Variants in UNC5D observed in about 807,000 individuals in gnomAD.
UNC5D encodes the protein netrin receptor UNC5D.
A neutral mutation model predicts 105.4 loss-of-function variants in UNC5D; 39 were observed. That is an observed-to-expected ratio of 0.37 (90% CI 0.29 to 0.48). The LOEUF is 0.48. Ranked by LOEUF, UNC5D falls within the 20% of genes least tolerant of loss-of-function variation. UNC5D has a pLI of 0.98. For missense variants in UNC5D, 991 were observed against 1,202.4 expected (o/e 0.82, Z 2.60); for synonymous variants, 452 against 450.4 (o/e 1.00, Z -0.04).
At chr8:35,639,721 T>C (rs529796152) in intron 4 of UNC5D, among the ~76,000 whole-genome samples, 143 of 152,254 alleles carry the variant, frequency 9.4e-4, no homozygotes, top group African/African-American at 3.2e-3. Context: ...TTATTTTCAT[T>C]AGAAGTCACA....
At chr8:35,323,745 T>C (rs939404622) in intron 1 of UNC5D, among the ~76,000 whole-genome samples, 14 of 152,176 alleles carry the variant, frequency 9.2e-5, no homozygotes, top group Admixed American at 2.0e-4. Context: ...AAGGTGCTAC[T>C]AAGTGGTGGA....
At position 35,726,148 on chromosome 8, in the gene UNC5D, C is replaced by T. The variant is rs1828850566; in HGVS notation, c.1304-4C>T. 6.3e-7 allele frequency: 1 copy of T among 1,599,436 alleles called. No homozygotes were observed. Among genetic ancestry groups the T allele is most frequent in the Non-Finnish European group, 8.5e-7 (1 of 1,170,744 alleles). Reference sequence around the variant, plus strand: ...TGAGTGACAGATCAATTTTCTTTTACCAGGTAACTCCCTGCTCCTGAATTC... The same window carrying T: ...TGAGTGACAGATCAATTTTCTTTTATCAGGTAACTCCCTGCTCCTGAATTC... On this transcript the variant is annotated splice_polypyrimidine_tract_variant and splice_region_variant and intron_variant, in intron 9 of 16. Transcript: ENST00000404895.
intron 2 of UNC5D, among the ~76,000 whole-genome samples, chr8:35,567,261 G>T (rs1563542435): frequency 6.6e-6 from 1 of 152,084 alleles, no homozygotes; most frequent in Non-Finnish European, 1.5e-5. Flanking sequence ...GTACTGCTAT[G>T]ATGTATCAAT....
At chr8:35,277,509 C>G (rs777600553) in intron 1 of UNC5D, among the ~76,000 whole-genome samples, 13 of 152,202 alleles carry the variant, frequency 8.5e-5, no homozygotes, top group Non-Finnish European at 1.6e-4. Context: ...TTTAGCTTTT[C>G]TTTTTTAATC....
intron 1 of UNC5D, among the ~76,000 whole-genome samples, chr8:35,393,444 C>A (rs1469941532): frequency 1.3e-5 from 2 of 150,986 alleles, no homozygotes; most frequent in Non-Finnish European, 3.0e-5. Flanking sequence ...TACTTTTTAT[C>A]CTCTGGAATT....
At chr8:35,760,811 T>C (rs952955404) in intron 14 of UNC5D, among the ~76,000 whole-genome samples, 1 of 151,990 alleles carries the variant, frequency 6.6e-6, no homozygotes, top group Non-Finnish European at 1.5e-5. Context: ...TATACCAGCT[T>C]GTCAGAATGG....
intron 1 of UNC5D, among the ~76,000 whole-genome samples, chr8:35,393,667 G>A (rs1195402114): frequency 6.6e-6 from 1 of 152,256 alleles, no homozygotes; most frequent in South Asian, 2.1e-4. Flanking sequence ...CATTTGAAAA[G>A]CACCAGTGAC....
intron 1 of UNC5D, among the ~76,000 whole-genome samples, chr8:35,329,415 A>G (rs1246100887): frequency 6.6e-6 from 1 of 151,188 alleles, no homozygotes; most frequent in Non-Finnish European, 1.5e-5. Context: ...ATATATATAT[A>G]TATATATATA....
At chr8:35,315,423 G>A (rs1159396289) in intron 1 of UNC5D, among the ~76,000 whole-genome samples, 1 of 151,994 alleles carries the variant, frequency 6.6e-6, no homozygotes, top group Non-Finnish European at 1.5e-5. Flanking sequence ...TTTGGCTGGG[G>A]CAGTGCAGAT....
intron 1 of UNC5D, among the ~76,000 whole-genome samples, chr8:35,314,500 T>C (rs1809134046): frequency 6.6e-6 from 1 of 152,180 alleles, no homozygotes; most frequent in Admixed American, 6.6e-5. Flanking sequence ...ACAACAGCTC[T>C]ATTTTAAAAA....
chr8:35,785,023 G>A (rs1389864881), intron 16 of UNC5D, among the ~76,000 whole-genome samples: 1 of 151,768 alleles, frequency 6.6e-6, no homozygotes, highest in African/African-American at 2.4e-5. Context: ...TGAATATTCA[G>A]GATTACTATT....
At chr8:35,710,905 T>G (rs1048878789) in intron 8 of UNC5D, among the ~76,000 whole-genome samples, 1 of 151,986 alleles carries the variant, frequency 6.6e-6, no homozygotes, top group Non-Finnish European at 1.5e-5. Flanking sequence ...ACATTCCTGT[T>G]TAAGCCTCTT....
chr8:35,776,079 A>G (rs1802233266), intron 16 of UNC5D, among the ~76,000 whole-genome samples: 1 of 152,198 alleles, frequency 6.6e-6, no homozygotes, highest in Non-Finnish European at 1.5e-5. Context: ...CATGGATCCA[A>G]AAATGAAAAA....
intron 1 of UNC5D, among the ~76,000 whole-genome samples, chr8:35,499,793 A>G (rs1489739776): frequency 2.0e-5 from 3 of 152,302 alleles, no homozygotes; most frequent in East Asian, 3.9e-4. Flanking sequence ...AATGCCTTCT[A>G]TTGCTTCTCA....
chr8:35,473,078 A>G (rs548917074), intron 1 of UNC5D, among the ~76,000 whole-genome samples: 3 of 152,184 alleles, frequency 2.0e-5, no homozygotes, highest in Non-Finnish European at 2.9e-5. Context: ...TTTAAATGTG[A>G]TTACACTGAA....
intron 1 of UNC5D, among the ~76,000 whole-genome samples, chr8:35,337,711 G>C (rs979070303): frequency 2.6e-5 from 4 of 151,522 alleles, no homozygotes; most frequent in African/African-American, 9.7e-5. Flanking sequence ...AACCATAAAA[G>C]CCTCTTTCTA....
intron 1 of UNC5D, among the ~76,000 whole-genome samples, chr8:35,488,966 G>T (rs915790329): frequency 6.6e-6 from 1 of 152,042 alleles, no homozygotes; most frequent in Non-Finnish European, 1.5e-5. Context: ...TTGGGGGCGG[G>T]CCGTATAAGG....
chr8:35,552,278 G>C (rs573695832), intron 2 of UNC5D, among the ~76,000 whole-genome samples: 13 of 152,176 alleles, frequency 8.5e-5, no homozygotes, highest in Admixed American at 5.9e-4. Flanking sequence ...CAATGAGTTT[G>C]TGGCATAGCT....
At chr8:35,517,935 C>A (rs1267335121) in intron 1 of UNC5D, among the ~76,000 whole-genome samples, 1 of 152,050 alleles carries the variant, frequency 6.6e-6, no homozygotes, top group Non-Finnish European at 1.5e-5. Flanking sequence ...CACAGGTGCC[C>A]CTTTCATAAG....
Sources: gnomAD v4.1 joint callset for allele counts (sites outside exome capture counted in the v4.1 genomes callset) on GRCh38, gnomAD v4.1.1 for gene constraint, MANE v1.5 for transcripts, NCBI Gene and HGNC (gene_info 2026-07-23, HGNC 2026-07-21) for gene names.